LIMA1: variants seen among roughly 807,000 people sequenced by gnomAD.
LIMA1 encodes the protein LIM domain and actin binding 1.
A neutral mutation model predicts 62.6 loss-of-function variants in LIMA1; 52 were observed. The observed-to-expected ratio is 0.83, with a 90% confidence interval of 0.67 to 1.05. LIMA1 has a LOEUF of 1.05. Among genes scored for constraint, LIMA1 ranks in the 50% least tolerant of loss-of-function variants. The pLI, the probability that LIMA1 is intolerant of heterozygous loss-of-function variation, is 0.00. For synonymous variants in LIMA1, 302 were observed against 317.8 expected, an observed-to-expected ratio of 0.95 and a Z score of 0.53; for missense variants, 780 against 902.2, an observed-to-expected ratio of 0.86 and a Z score of 1.74.
chr12:50,277,059 G>A (rs759688303), intron 1 of LIMA1, among the ~76,000 whole-genome samples: 8 of 151,954 alleles, frequency 5.3e-5, no homozygotes, highest in Admixed American at 2.0e-4. Context: ...CCTTGGAGAC[G>A]TACACCCTCT....
intron 2 of LIMA1, among the ~76,000 whole-genome samples, chr12:50,244,089 G>T (rs1350028753): frequency 6.9e-6 from 1 of 144,810 alleles, no homozygotes; most frequent in Non-Finnish European, 1.5e-5. Context: ...CTAAATTTTT[G>T]TATTTTTTTG....
rs188520517 is a variant in LIMA1 at position 50,210,401 on chromosome 12, G to A, written c.631-4333C>T. Among the ~76,000 whole-genome samples, 9 of 117,606 alleles carry A rather than the reference G, an allele frequency of 7.7e-5. No individual in the cohort carries two copies. In the East Asian group the frequency reaches 2.2e-3, roughly 29 times the overall value. The allele number at this position is 117,606 out of a possible 152,430, so 77.2% of individuals were successfully genotyped here. On this transcript the variant is annotated intron_variant, in intron 4 of 10. Transcript: ENST00000341247. ...TTACTGCACTCCAGCCTGGGCAACA[G>A]AGCAAGACCCCATTTCCAAAAAAAA...
At chr12:50,234,745 G>A (rs955289835) in intron 2 of LIMA1, among the ~76,000 whole-genome samples, 1 of 152,172 alleles carries the variant, frequency 6.6e-6, no homozygotes, top group Admixed American at 6.6e-5. Flanking sequence ...CTGGTGCAGT[G>A]GCTCACACCT....
intron 4 of LIMA1, chr12:50,219,519 G>A (rs1941406611): frequency 6.6e-6 from 1 of 151,922 alleles, no homozygotes; most frequent in South Asian, 2.1e-4. Context: ...ATATAATCTA[G>A]ACTGTTTTCA....
intron 3 of LIMA1, among the ~76,000 whole-genome samples, chr12:50,231,123 C>T (rs1317989667): frequency 6.6e-6 from 1 of 152,102 alleles, no homozygotes; most frequent in Non-Finnish European, 1.5e-5. Context: ...ATGTATTATT[C>T]AGCCTCACCG....
chr12:50,252,690 C>T (rs934515060), intron 1 of LIMA1, among the ~76,000 whole-genome samples: 13 of 150,944 alleles, frequency 8.6e-5, no homozygotes, highest in African/African-American at 2.9e-4. Flanking sequence ...CATGAGTGAT[C>T]AGAGATTAGG....
intron 1 of LIMA1, among the ~76,000 whole-genome samples, chr12:50,269,292 C>T (rs1262361281): frequency 6.6e-6 from 1 of 152,158 alleles, no homozygotes; most frequent in African/African-American, 2.4e-5. Flanking sequence ...TACCGACTCA[C>T]TTTATGTAAG....
At chr12:50,259,560 G>A (rs1942039686) in intron 1 of LIMA1, among the ~76,000 whole-genome samples, 1 of 152,040 alleles carries the variant, frequency 6.6e-6, no homozygotes, top group Admixed American at 6.6e-5. Flanking sequence ...GAATTACCCA[G>A]TAATTTTAGC....
chr12:50,179,245 G>T (rs186620287), intron 10 of LIMA1, among the ~76,000 whole-genome samples: 192 of 150,940 alleles, frequency 1.3e-3, no homozygotes, highest in African/African-American at 4.6e-3. Flanking sequence ...GGGTTCAAGC[G>T]ATTCTCCTAC....
At position 50,231,722 on chromosome 12, in the gene LIMA1, G is replaced by T; in HGVS notation, c.120-12C>A. On this transcript the variant is annotated splice_polypyrimidine_tract_variant and intron_variant, in intron 2 of 10. Transcript: ENST00000341247. ...CTGCTTTCTGGTACCTTCAGAGAAGGGAAGGAAAGAATGTCTCAAATTAAA... is the reference window on the plus strand; with the variant it reads ...CTGCTTTCTGGTACCTTCAGAGAAGTGAAGGAAAGAATGTCTCAAATTAAA... 2 of 1,610,282 alleles carry T rather than the reference G, an allele frequency of 1.2e-6. No homozygotes were observed. The highest frequency in any genetic ancestry group is 1.1e-5 in the South Asian group (1 of 91,014).
At chr12:50,217,900 C>G in intron 4 of LIMA1, 1 of 151,348 alleles carries the variant, frequency 6.6e-6, no homozygotes, top group Non-Finnish European at 1.4e-5. Context: ...TGATGAATTT[C>G]TTTTCTTTTT....
chr12:50,242,407 A>G (rs911875499), intron 2 of LIMA1, among the ~76,000 whole-genome samples: 1 of 151,738 alleles, frequency 6.6e-6, no homozygotes, highest in Non-Finnish European at 1.5e-5. Context: ...CCAGGCTGGA[A>G]GGCAGTGGTG....
chr12:50,182,743 A>C (rs1428619601), intron 9 of LIMA1, among the ~76,000 whole-genome samples: 2 of 152,248 alleles, frequency 1.3e-5, no homozygotes, highest in East Asian at 3.8e-4. Flanking sequence ...CACACTGGTT[A>C]ATGTATTAAT....
chr12:50,279,244 G>A (rs1942310472), intron 1 of LIMA1, among the ~76,000 whole-genome samples: 1 of 150,670 alleles, frequency 6.6e-6, no homozygotes, highest in South Asian at 2.1e-4. Context: ...GACCTCAAGT[G>A]ATCACCCGCC....
intron 1 of LIMA1, among the ~76,000 whole-genome samples, chr12:50,274,730 T>C (rs1434678303): frequency 6.6e-6 from 1 of 152,154 alleles, no homozygotes; most frequent in East Asian, 1.9e-4. Context: ...ACGAACAGCT[T>C]CTTTAGGCAG....
intron 2 of LIMA1, among the ~76,000 whole-genome samples, chr12:50,237,821 C>T (rs537511014): frequency 1.0e-3 from 159 of 152,156 alleles, no homozygotes; most frequent in South Asian, 3.3e-3. Flanking sequence ...GACAAGGGTG[C>T]CAAGACCATC....
intron 7 of LIMA1, among the ~76,000 whole-genome samples, chr12:50,198,937 CA>C (rs1940987077): frequency 6.6e-6 from 1 of 152,180 alleles, no homozygotes; most frequent in Non-Finnish European, 1.5e-5. Flanking sequence ...CCACTACATC[CA>C]AACCCTTAAG....
chr12:50,272,569 G>C (rs545317453), intron 1 of LIMA1, among the ~76,000 whole-genome samples: 3 of 140,928 alleles, frequency 2.1e-5, no homozygotes, highest in African/African-American at 8.0e-5. Flanking sequence ...TCCAGCCTGG[G>C]CAACAAGAGC....
intron 1 of LIMA1, among the ~76,000 whole-genome samples, chr12:50,282,908 C>T (rs992461431): frequency 2.0e-5 from 3 of 152,122 alleles, no homozygotes; most frequent in Non-Finnish European, 4.4e-5. Flanking sequence ...GATAGCGATT[C>T]GGGGATGACA....
Sources: gnomAD v4.1 joint callset for allele counts (sites outside exome capture counted in the v4.1 genomes callset) on GRCh38, gnomAD v4.1.1 for gene constraint, MANE v1.5 for transcripts, NCBI Gene and HGNC (gene_info 2026-07-23, HGNC 2026-07-21) for gene names.